The following ARMC6 variants were observed in gnomAD, a reference collection of about 807,000 sequenced individuals.
ARMC6 encodes the protein armadillo repeat-containing protein 6.
ARMC6 carries 43 observed loss-of-function variants against 49.2 expected under a neutral mutation model. That is an observed-to-expected ratio of 0.87 (90% CI 0.69 to 1.13). ARMC6 has a LOEUF of 1.13. Among genes scored for constraint, ARMC6 ranks in the 50% most tolerant of loss-of-function variants. ARMC6 has a pLI of 0.00. For synonymous variants in ARMC6, 262 were observed against 289.6 expected (o/e 0.90, Z 0.97); for missense variants, 627 against 682.0 (o/e 0.92, Z 0.90).
chr19:19,045,493 C>CTTTTTTTTT (rs11270900), intron 4 of ARMC6, among the ~76,000 whole-genome samples: 1,112 of 89,086 alleles, frequency 0.012, 177 homozygotes, highest in Middle Eastern at 0.046. Flanking sequence ...ATGCTAAATT[C>CTTTTTTTTT]TTTTTTTTTT....
chr19:19,042,802 C>T lies in ARMC6; in HGVS notation c.121C>T (p.Arg41Cys), dbSNP rs777032098. ...CCAGGAGACCTTTGATGCAGCTGTGCGCGAGAACATCGAGGAGTTTGCGAT... is the reference window on the plus strand; with the variant it reads ...CCAGGAGACCTTTGATGCAGCTGTGTGCGAGAACATCGAGGAGTTTGCGAT... ...IAQETFDAAVRENIEEFAMGP... is the reference protein window; with the variant it reads ...IAQETFDAAVCENIEEFAMGP... Residue 41 changes from arginine (R) to cysteine (C), a missense_variant, in exon 3 of 9, where the codon CGC becomes TGC. Arg to Cys is a radical substitution (Grantham distance 180, BLOSUM62 -3). Transcript: ENST00000535612. 2.2e-5 allele frequency: 35 copies of T among 1,613,918 alleles called. No individual in the cohort carries two copies. Among genetic ancestry groups the T allele is most frequent in the Non-Finnish European group, 2.4e-5 (28 of 1,180,052 alleles).
chr19:19,057,275 T>C (rs776154302), intron 8 of ARMC6, 141 bp from the exon 9 acceptor site: 28 of 685,598 alleles, frequency 4.1e-5, no homozygotes, highest in Non-Finnish European at 6.4e-5. Flanking sequence ...GAGATGGGTC[T>C]AGCTTGATAC....
At chr19:19,056,264 T>A (rs867445511) in intron 8 of ARMC6, among the ~76,000 whole-genome samples, 1 of 104,820 alleles carries the variant, frequency 9.5e-6, no homozygotes, top group East Asian at 2.2e-4. Context: ...CTTCTGTGGG[T>A]TTTTTTTTTT....
At chr19:19,045,012 A>G (rs1232897914) in intron 4 of ARMC6, among the ~76,000 whole-genome samples, 6 of 151,980 alleles carry the variant, frequency 3.9e-5, no homozygotes, top group Admixed American at 6.6e-5. Context: ...TATTATATAT[A>G]TATTTATTTA....
At chr19:19,053,873 T>C (rs2059520448) in intron 5 of ARMC6, among the ~76,000 whole-genome samples, 1 of 151,798 alleles carries the variant, frequency 6.6e-6, no homozygotes, top group South Asian at 2.1e-4. Context: ...ATTATAGTTT[T>C]CTTTTTTTAG....
Position 19,051,748 on chromosome 19 carries a change from G to T in ARMC6, c.406G>T (p.Ala136Ser). ...CCGCTTCCTCGCGGCCCAGAAGGGGGCCTACCCCATCATCTTCACTGCCTG... is the reference window on the plus strand; with the variant it reads ...CCGCTTCCTCGCGGCCCAGAAGGGGTCCTACCCCATCATCTTCACTGCCTG... ...ACRFLAAQKG[A>S]YPIIFTAWKL... The change falls in exon 5 of 9, where the codon GCC (alanine) becomes TCC (serine). Residue 136 changes from alanine to serine, a missense_variant. Transcript: ENST00000535612. 1 of 1,613,972 alleles carries T rather than the reference G, an allele frequency of 6.2e-7. No homozygotes were observed. Among genetic ancestry groups the T allele is most frequent in the Non-Finnish European group, 8.5e-7 (1 of 1,180,042 alleles).
chr19:19,041,026 G>A (rs922261534), intron 2 of ARMC6, among the ~76,000 whole-genome samples: 1 of 151,962 alleles, frequency 6.6e-6, no homozygotes, highest in African/African-American at 2.4e-5. Context: ...TAGAGACAGG[G>A]CCTCCCCATG....
chr19:19,056,454 G>T (rs1250686430), intron 8 of ARMC6, among the ~76,000 whole-genome samples: 1 of 152,056 alleles, frequency 6.6e-6, no homozygotes, highest in Non-Finnish European at 1.5e-5. Flanking sequence ...TAGAGACAAG[G>T]TTTTGCCATG....
chr19:19,056,663 C>T (rs991493536), intron 8 of ARMC6, among the ~76,000 whole-genome samples: 2 of 152,184 alleles, frequency 1.3e-5, no homozygotes, highest in African/African-American at 4.8e-5. Flanking sequence ...TCTGCCCCCT[C>T]CTTGGGCTGC....
At chr19:19,041,836 A>C (rs941399216) in intron 2 of ARMC6, among the ~76,000 whole-genome samples, 1 of 152,164 alleles carries the variant, frequency 6.6e-6, no homozygotes, top group African/African-American at 2.4e-5. Flanking sequence ...CCTCTTAGCA[A>C]ATTTCAAGTA....
At position 19,055,411 on chromosome 19, in the gene ARMC6, G is replaced by A; in HGVS notation, c.1155+15G>A. ...CCAGCCCCCAGGTACCCACCTCGGGGGGCACACACAGTAGCAGGGTGGTGG... is the reference window on the plus strand; with the variant it reads ...CCAGCCCCCAGGTACCCACCTCGGGAGGCACACACAGTAGCAGGGTGGTGG... On this transcript the variant is annotated intron_variant, in intron 7 of 8. Coordinates refer to ENST00000535612, the MANE Select transcript of ARMC6 (RefSeq NM_001199196.2). The surrounding 1 kb of genome is among the most constrained non-coding windows in gnomAD (Gnocchi z 5.7). 2 of 1,588,694 alleles carry A rather than the reference G, an allele frequency of 1.3e-6. No homozygotes were observed. The highest frequency in any genetic ancestry group is 2.3e-5 in the South Asian group (2 of 87,596).
chr19:19,038,535 C>T (rs1272273088), intron 2 of ARMC6, among the ~76,000 whole-genome samples: 1 of 152,112 alleles, frequency 6.6e-6, no homozygotes, highest in African/African-American at 2.4e-5. Context: ...GATACCTACC[C>T]CTGGTTTCCA....
intron 2 of ARMC6, 44 bp downstream of exon 2, chr19:19,034,282 A>G: frequency 6.3e-7 from 1 of 1,583,232 alleles, no homozygotes; most frequent in Non-Finnish European, 8.5e-7. Context: ...ACGGGAAAGC[A>G]GGGCTGCTCT....
Position 19,055,718 on chromosome 19 carries a change from T to G in ARMC6, c.1156-73T>G. On this transcript the variant is annotated intron_variant, in intron 7 of 8. Transcript: ENST00000535612. The surrounding 1 kb of genome is among the most constrained non-coding windows in gnomAD (Gnocchi z 5.7). ...GAGGCCGCAGGGTGTTCACCAGGGG[T>G]TGGTGGCCATGGCAGGATGTTGTGG... 2 of 1,500,594 alleles carry G rather than the reference T, an allele frequency of 1.3e-6. No homozygotes were observed. Among genetic ancestry groups the G allele is most frequent in the Non-Finnish European group, 8.9e-7 (1 of 1,117,738 alleles). 93.0% of individuals were successfully genotyped at this position (1,500,594 alleles called of 1,614,324 possible).
chr19:19,058,175 C>T lies in ARMC6; in HGVS notation c.*547C>T, dbSNP rs781460825. On this transcript the variant is annotated 3_prime_UTR_variant, in exon 9 of 9. Coordinates refer to ENST00000535612, the MANE Select transcript of ARMC6 (RefSeq NM_001199196.2). ...TAATAAAAGATCATTGGGTGAACAG[C>T]GGAGGGGTCTCTTCCATAGCTTGGC... 9.4e-5 allele frequency: 16 copies of T among 170,092 alleles called. No individual in the cohort carries two copies. Among genetic ancestry groups the T allele is most frequent in the Non-Finnish European group, 1.6e-4 (13 of 79,510 alleles). The allele number at this position is 170,092 out of a possible 1,614,324, so 10.5% of individuals were successfully genotyped here.
chr19:19,051,371 C>CTGTGTG (rs1349643143), intron 4 of ARMC6, among the ~76,000 whole-genome samples: 172 of 122,866 alleles, frequency 1.4e-3, no homozygotes, highest in African/African-American at 6.3e-3. Flanking sequence ...CTCTCTCTCT[C>CTGTGTG]TCTCTGTGTG....
chr19:19,054,719 C>T (rs2059529007), intron 6 of ARMC6, among the ~76,000 whole-genome samples: 1 of 152,184 alleles, frequency 6.6e-6, no homozygotes, highest in Admixed American at 6.5e-5. Flanking sequence ...ACAGGTGCCT[C>T]CCTATCCAGC....
chr19:19,050,815 C>G (rs1049866759), intron 4 of ARMC6, among the ~76,000 whole-genome samples: 2 of 152,146 alleles, frequency 1.3e-5, no homozygotes, highest in Non-Finnish European at 2.9e-5. Flanking sequence ...AATCAAAGCC[C>G]TTTGGGCTGG....
At position 19,054,418 on chromosome 19, in the gene ARMC6, C is replaced by T. The variant is rs944393893; in HGVS notation, c.1023+97C>T. ...ACAAGCCAGCCCTGCCTGCCAGTGT[C>T]GGAACCAAAGTGCAGTTTTTCTTTT... On this transcript the variant is annotated intron_variant, in intron 6 of 8. Transcript: ENST00000535612. 19 of 1,299,516 alleles carry T rather than the reference C, an allele frequency of 1.5e-5. 1 individual carries two copies. Among genetic ancestry groups the T allele is most frequent in the East Asian group, 1.1e-4 (4 of 35,116 alleles). The allele number at this position is 1,299,516 out of a possible 1,614,324, so 80.5% of individuals were successfully genotyped here.
Sources: gnomAD v4.1 joint callset for allele counts (sites outside exome capture counted in the v4.1 genomes callset) on GRCh38, gnomAD v4.1.1 for gene constraint, Gnocchi (gnomAD v3.1) non-coding constraint, MANE v1.5 for transcripts, NCBI Gene and HGNC (gene_info 2026-07-23, HGNC 2026-07-21) for gene names.